The following ADAMTS5 variants were observed in gnomAD, a reference collection of about 807,000 sequenced individuals.
ADAMTS5 encodes A disintegrin and metalloproteinase with thrombospondin motifs 5.
ADAMTS5 carries 54 observed loss-of-function variants against 81.4 expected under a neutral mutation model. That is an observed-to-expected ratio of 0.66 (90% CI 0.53 to 0.83). The LOEUF (loss-of-function observed/expected upper bound fraction) is 0.83. ADAMTS5 is among the 40% of genes least tolerant of loss of function. The probability of loss-of-function intolerance (pLI) is 0.00; values close to 1 mark genes in which losing one functional copy is unlikely to be tolerated. For synonymous variants in ADAMTS5, 532 were observed against 508.8 expected, an observed-to-expected ratio of 1.05 and a Z score of -0.61; for missense variants, 1,194 against 1,229.9, an observed-to-expected ratio of 0.97 and a Z score of 0.44.
intron 2 of ADAMTS5, among the ~76,000 whole-genome samples, chr21:26,953,474 T>C (rs1987360044): frequency 6.6e-6 from 1 of 152,242 alleles, no homozygotes; most frequent in Non-Finnish European, 1.5e-5. Context: ...TTGTGAATTA[T>C]GCAATTACAC....
rs544337227 is a variant in ADAMTS5, at chr21:26,930,941, T to A, written c.2050-880A>T. 6.4e-4 allele frequency among the ~76,000 whole-genome samples: 98 copies of A among 152,310 alleles called. 1 individual carries two copies. Among genetic ancestry groups the A allele is most frequent in the Middle Eastern group, 3.4e-3 (1 of 294 alleles). On this transcript the variant is annotated intron_variant, in intron 6 of 7. Transcript: ENST00000284987. ...TTTACTTCTGTGTAATATTTTTGAA[T>A]GAAAATGCATTATTTTCTAATAAAA...
At chr21:26,947,093 G>T (rs1987229691) in intron 2 of ADAMTS5, among the ~76,000 whole-genome samples, 1 of 152,230 alleles carries the variant, frequency 6.6e-6, no homozygotes, top group Non-Finnish European at 1.5e-5. Context: ...ATTAGTGTTT[G>T]TGTTTAGGAC....
intron 2 of ADAMTS5, among the ~76,000 whole-genome samples, chr21:26,949,446 T>G (rs1247645640): frequency 6.6e-6 from 1 of 152,024 alleles, no homozygotes; most frequent in Non-Finnish European, 1.5e-5. Context: ...CTCAAACTGT[T>G]GGGATTACAA....
intron 1 of ADAMTS5, among the ~76,000 whole-genome samples, chr21:26,958,296 CA>C (rs1987465405): frequency 6.6e-6 from 1 of 152,122 alleles, no homozygotes; most frequent in Admixed American, 6.5e-5. Flanking sequence ...TAAATAATAG[CA>C]ACTTCTGTTT....
chr21:26,957,797 A>G (rs1186453785), intron 1 of ADAMTS5, among the ~76,000 whole-genome samples: 1 of 152,174 alleles, frequency 6.6e-6, no homozygotes, highest in Non-Finnish European at 1.5e-5. Flanking sequence ...TCTAACTCAG[A>G]AGTGTATTCA....
In ADAMTS5 at chr21:26,929,886, C is replaced by T; in HGVS notation, c.2225G>A (p.Ser742Asn). Residue 742 changes from serine (S) to asparagine (N), a missense_variant and splice_region_variant, in exon 7 of 8, where the codon AGT becomes AAT. Transcript: ENST00000284987. ...TKIVGTFNKK[S>N]KGYTDVVRIP... ...AAAGACAAAGGTTCTATCATATTACCTTTTCTTATTAAAGGTTCCAACAAT... is the reference window on the plus strand; with the variant it reads ...AAAGACAAAGGTTCTATCATATTACTTTTTCTTATTAAAGGTTCCAACAAT... 1 of 1,612,876 alleles carries T rather than the reference C, an allele frequency of 6.2e-7. No individual in the cohort carries two copies. Among genetic ancestry groups the T allele is most frequent in the Non-Finnish European group, 8.5e-7 (1 of 1,179,268 alleles).
At chr21:26,928,577 G>T (rs903689548) in intron 7 of ADAMTS5, among the ~76,000 whole-genome samples, 2 of 151,944 alleles carry the variant, frequency 1.3e-5, no homozygotes, top group Non-Finnish European at 2.9e-5. Flanking sequence ...TTTCTAATTT[G>T]ATTCCTGAAT....
In ADAMTS5 at chr21:26,934,325, G is replaced by C. The variant is rs112159109; in HGVS notation, c.1689+141C>G. Reference sequence around the variant, plus strand: ...CTGAGAATGGCTACTGCGGGTAAAAGAAGAAGCTCTAAATAAACCTCAAAA... The same window carrying C: ...CTGAGAATGGCTACTGCGGGTAAAACAAGAAGCTCTAAATAAACCTCAAAA... On this transcript the variant is annotated intron_variant, in intron 4 of 7. Coordinates refer to ENST00000284987, the MANE Select transcript of ADAMTS5 (RefSeq NM_007038.5). The C allele has an allele frequency of 9.1e-4, 1,022 of 1,117,174 alleles. 5 individuals are homozygous for C. In the African/African-American group the frequency reaches 0.015, roughly 16 times the overall value. The allele number at this position is 1,117,174 out of a possible 1,614,324, so 69.2% of individuals were successfully genotyped here.
intron 1 of ADAMTS5, among the ~76,000 whole-genome samples, chr21:26,958,327 G>C (rs1455155966): frequency 6.6e-6 from 1 of 152,010 alleles, no homozygotes; most frequent in Admixed American, 6.6e-5. Flanking sequence ...TTACCCCTTG[G>C]TAAGGGCAAG....
rs1256430381 is a variant in ADAMTS5 at position 26,954,832 on chromosome 21, C to A, written c.1144G>T (p.Ala382Ser). The change falls in exon 2 of 8, where the codon GCA becomes TCA. Residue 382 changes from alanine to serine, a missense_variant. Physicochemically the swap from Ala to Ser is moderately conservative, Grantham distance 99. Around this residue, in one of 2 missense-constraint regions of ADAMTS5, gnomAD observed 696 missense variants for 817.6 expected, o/e 0.85. Transcript: ENST00000284987. ...GGAGAACATATGGTCCCAACGTCTG[C>A]CATTCCCAGGGTGTCACATGAATGA... ...GHHSCDTLGM[A>S]DVGTICSPER... 4 of 1,614,092 alleles carry A rather than the reference C, an allele frequency of 2.5e-6. No homozygotes were observed. The South Asian group carries it at 4.4e-5, about 18-fold the overall frequency.
Position 26,929,990 on chromosome 21 carries a change from G to C in ADAMTS5, c.2121C>G (p.Gly707=). The part of the protein sequence containing the change: ...VCVRGKCVRT[G]CDGIIGSKLQ... ...GCTTTGAGCCAATGATGCCGTCACA[G>C]CCAGTTCTCACACACTTCCCCCGGA... The change falls in exon 7 of 8, where the codon GGC becomes GGG. Residue 707 remains glycine (G), a synonymous_variant. Coordinates refer to ENST00000284987, the MANE Select transcript of ADAMTS5 (RefSeq NM_007038.5). 1 of 1,614,130 alleles carries C rather than the reference G, an allele frequency of 6.2e-7. No individual in the cohort carries two copies. Among genetic ancestry groups the C allele is most frequent in the South Asian group, 1.1e-5 (1 of 91,078 alleles).
rs940708868 is a variant in ADAMTS5, at chr21:26,919,733, T to C, written c.*4320A>G. ...CATGATGATATAATTTGAGAAATTA[T>C]CTCTATAGATTATGCTAACAAAGGA... On this transcript the variant is annotated 3_prime_UTR_variant, in exon 8 of 8. Coordinates refer to ENST00000284987, the MANE Select transcript of ADAMTS5 (RefSeq NM_007038.5). 1 of 152,122 alleles carries C rather than the reference T, an allele frequency of 6.6e-6. No homozygotes were observed. Among genetic ancestry groups the C allele is most frequent in the African/African-American group, 2.4e-5 (1 of 41,444 alleles). The allele number at this position is 152,122 out of a possible 1,614,324, so 9.4% of individuals were successfully genotyped here. A position where few individuals can be genotyped will look rare whatever the true frequency, so the allele number is the denominator to read the frequency against.
chr21:26,924,812 T>C (rs940903070), intron 7 of ADAMTS5, among the ~76,000 whole-genome samples, 192 bp from the exon 8 acceptor site: 1 of 152,224 alleles, frequency 6.6e-6, no homozygotes, highest in Admixed American at 6.5e-5. Flanking sequence ...GCAATTATAC[T>C]ACAGTATTGT....
At chr21:26,936,465 T>A (rs769641824) in intron 3 of ADAMTS5, among the ~76,000 whole-genome samples, 1 of 152,230 alleles carries the variant, frequency 6.6e-6, no homozygotes, top group Non-Finnish European at 1.5e-5. Flanking sequence ...AAAAGTCATA[T>A]TCAAATCCTT....
At chr21:26,963,175 C>A (rs1266124299) in intron 1 of ADAMTS5, among the ~76,000 whole-genome samples, 1 of 151,924 alleles carries the variant, frequency 6.6e-6, no homozygotes, top group South Asian at 2.1e-4. Flanking sequence ...TTGAAAAATG[C>A]ATGTCCTTAT....
chr21:26,956,291 T>A (rs1327407419), intron 1 of ADAMTS5, among the ~76,000 whole-genome samples: 1 of 152,210 alleles, frequency 6.6e-6, no homozygotes, highest in Non-Finnish European at 1.5e-5. Context: ...TTGTGTTCTG[T>A]TTATTATGAG....
chr21:26,953,633 A>G (rs1987363171), intron 2 of ADAMTS5, among the ~76,000 whole-genome samples: 1 of 152,216 alleles, frequency 6.6e-6, no homozygotes, highest in African/African-American at 2.4e-5. Flanking sequence ...CTTAAAAATC[A>G]AAATCTGTTT....
At chr21:26,933,591 G>C (rs1336865585) in intron 4 of ADAMTS5, among the ~76,000 whole-genome samples, 2 of 152,222 alleles carry the variant, frequency 1.3e-5, no homozygotes, top group Non-Finnish European at 2.9e-5. Flanking sequence ...TTCCTAATTA[G>C]ATGTGACAGA....
Position 26,965,667 on chromosome 21 carries a change from G to A in ADAMTS5, c.725C>T (p.Ser242Phe). 2 of 1,590,144 alleles carry A rather than the reference G, an allele frequency of 1.3e-6. No homozygotes were observed. Among genetic ancestry groups the A allele is most frequent in the Non-Finnish European group, 1.7e-6 (2 of 1,170,740 alleles). The part of the protein sequence containing the change: ...AALASQLLDQ[S>F]ALSPAGGSGP... ...TGAGCCCCCAGCGGGCGAGAGAGCG[G>A]ACTGGTCCAAGAGCTGCGAGGCCAG... The change falls in exon 1 of 8, where the codon TCC becomes TTC. Residue 242 changes from serine to phenylalanine, a missense_variant. Around this residue, in one of 2 missense-constraint regions of ADAMTS5, gnomAD observed 498 missense variants for 412.3 expected, o/e 1.21. Transcript: ENST00000284987.
Sources: allele counts gnomAD v4.1 joint callset (sites outside exome capture counted in the v4.1 genomes callset), GRCh38; gene constraint gnomAD v4.1.1; regional missense constraint gnomAD v4.1.1; transcripts MANE v1.5; gene names NCBI Gene and HGNC (gene_info 2026-07-23, HGNC 2026-07-21).